KCTD16: variants seen among roughly 807,000 people sequenced by gnomAD.
KCTD16 encodes the protein BTB/POZ domain-containing protein KCTD16.
In KCTD16, 13 loss-of-function variants were observed where a neutral mutation model predicts 33.2. That is an observed-to-expected ratio of 0.39 (90% CI 0.25 to 0.62). The LOEUF (loss-of-function observed/expected upper bound fraction) is 0.62, where lower values mean the gene tolerates loss of function less well. Ranked by LOEUF, KCTD16 falls within the 20% of genes least tolerant of loss-of-function variation. The pLI, the probability that KCTD16 is intolerant of heterozygous loss-of-function variation, is 0.50. For synonymous variants in KCTD16, 197 were observed against 195.3 expected (o/e 1.01, Z -0.07); for missense variants, 441 against 525.1 (o/e 0.84, Z 1.57).
intron 3 of KCTD16, among the ~76,000 whole-genome samples, chr5:144,345,928 A>G (rs748364854): frequency 1.3e-5 from 2 of 151,598 alleles, no homozygotes; most frequent in African/African-American, 2.4e-5. Flanking sequence ...CTATTATGCT[A>G]TCAAATAGTA....
intron 3 of KCTD16, among the ~76,000 whole-genome samples, chr5:144,401,283 A>T (rs1752698297): frequency 6.6e-6 from 1 of 152,220 alleles, no homozygotes; most frequent in Non-Finnish European, 1.5e-5. Context: ...ATTGACAGCG[A>T]TGGATAACTA....
chr5:144,304,830 A>C (rs1455974942), intron 3 of KCTD16, among the ~76,000 whole-genome samples: 1 of 152,124 alleles, frequency 6.6e-6, no homozygotes, highest in Non-Finnish European at 1.5e-5. Context: ...TGTCTTGACT[A>C]ATGTCATTAT....
At chr5:144,271,820 C>T (rs1378410698) in intron 3 of KCTD16, among the ~76,000 whole-genome samples, 3 of 150,276 alleles carry the variant, frequency 2.0e-5, no homozygotes, top group Non-Finnish European at 4.4e-5. Context: ...ACTTAGACAG[C>T]AGGATACAAA....
intron 3 of KCTD16, among the ~76,000 whole-genome samples, chr5:144,441,325 C>A (rs968372289): frequency 2.0e-5 from 3 of 152,196 alleles, no homozygotes. Context: ...ATCTAATAAA[C>A]CATTGGTGGC....
At chr5:144,436,750 G>A (rs966739791) in intron 3 of KCTD16, among the ~76,000 whole-genome samples, 5 of 151,772 alleles carry the variant, frequency 3.3e-5, no homozygotes, top group Non-Finnish European at 5.9e-5. Flanking sequence ...GCCACGCCCA[G>A]CTAATTTTTG....
At chr5:144,315,324 G>A (rs573027098) in intron 3 of KCTD16, among the ~76,000 whole-genome samples, 3 of 151,888 alleles carry the variant, frequency 2.0e-5, no homozygotes, top group African/African-American at 7.2e-5. Context: ...CTTTTCTATC[G>A]TTTCTTCTTT....
intron 3 of KCTD16, among the ~76,000 whole-genome samples, chr5:144,297,499 A>G (rs894005363): frequency 6.6e-6 from 1 of 152,208 alleles, no homozygotes; most frequent in Non-Finnish European, 1.5e-5. Flanking sequence ...TATATACTAC[A>G]TATGTTGCAG....
intron 3 of KCTD16, among the ~76,000 whole-genome samples, chr5:144,221,846 T>C (rs1209117840): frequency 2.0e-5 from 3 of 152,332 alleles, no homozygotes; most frequent in African/African-American, 7.2e-5. Context: ...CCCCACACTG[T>C]CTTCCACAAT....
intron 2 of KCTD16, among the ~76,000 whole-genome samples, chr5:144,193,098 C>A (rs1752875041): frequency 6.6e-6 from 1 of 152,210 alleles, no homozygotes; most frequent in Admixed American, 6.5e-5. Context: ...TCTGAGACAT[C>A]ATCATATATC....
intron 3 of KCTD16, among the ~76,000 whole-genome samples, chr5:144,329,260 T>C (rs1752290826): frequency 6.6e-6 from 1 of 152,194 alleles, no homozygotes; most frequent in Non-Finnish European, 1.5e-5. Flanking sequence ...AATTTTTATT[T>C]GCTTGGTTCA....
chr5:144,297,955 C>T (rs1756090873), intron 3 of KCTD16, among the ~76,000 whole-genome samples: 1 of 152,202 alleles, frequency 6.6e-6, no homozygotes, highest in South Asian at 2.1e-4. Flanking sequence ...CTGCTCTTTG[C>T]TGCCGTCACA....
chr5:144,210,265 T>G (rs1219451016), intron 3 of KCTD16, among the ~76,000 whole-genome samples: 2 of 152,102 alleles, frequency 1.3e-5, no homozygotes, highest in Non-Finnish European at 2.9e-5. Context: ...AGTGTAGAAC[T>G]ATGAACAATG....
intron 3 of KCTD16, among the ~76,000 whole-genome samples, chr5:144,239,411 A>G (rs1028163663): frequency 8.5e-5 from 13 of 152,270 alleles, no homozygotes; most frequent in African/African-American, 3.1e-4. Flanking sequence ...CAAGACAAAA[A>G]CCACATTACA....
chr5:144,186,984 T>C (rs991029081), intron 2 of KCTD16, among the ~76,000 whole-genome samples: 4 of 152,156 alleles, frequency 2.6e-5, no homozygotes, highest in Non-Finnish European at 5.9e-5. Context: ...TCTCAGCGCT[T>C]ACAGTGTCAC....
At chr5:144,470,825 C>T (rs766316574) in intron 3 of KCTD16, among the ~76,000 whole-genome samples, 17 of 152,214 alleles carry the variant, frequency 1.1e-4, no homozygotes, top group Non-Finnish European at 2.1e-4. Context: ...GTGAGGGCTT[C>T]ATGCAACTTT....
chr5:144,332,545 T>C (rs1283692407), intron 3 of KCTD16, among the ~76,000 whole-genome samples: 2 of 152,172 alleles, frequency 1.3e-5, no homozygotes, highest in Non-Finnish European at 2.9e-5. Flanking sequence ...TGAGATACTT[T>C]ACTGGAAATA....
chr5:144,202,538 GC>G (rs1221708706), intron 2 of KCTD16, among the ~76,000 whole-genome samples: 10 of 152,148 alleles, frequency 6.6e-5, no homozygotes, highest in Non-Finnish European at 1.5e-5. Flanking sequence ...ACATGAATGG[GC>G]TTCAGGCCAA....
intron 2 of KCTD16, chr5:144,205,223 T>C (rs1027942444): frequency 3.9e-6 from 1 of 258,254 alleles, no homozygotes; most frequent in African/African-American, 2.2e-5. Flanking sequence ...CGCCTGGCAA[T>C]CGCGTGCCCA....
chr5:144,456,092 T>G (rs1370035832), intron 3 of KCTD16, among the ~76,000 whole-genome samples: 2 of 152,100 alleles, frequency 1.3e-5, no homozygotes, highest in Admixed American at 1.3e-4. Context: ...CCTCAAATGA[T>G]AGGAATGGGG....
Sources: allele counts gnomAD v4.1 joint callset (sites outside exome capture counted in the v4.1 genomes callset), GRCh38; gene constraint gnomAD v4.1.1; transcripts MANE v1.5; gene names NCBI Gene and HGNC (gene_info 2026-07-23, HGNC 2026-07-21).